The following PEX10 variants were observed in gnomAD, a reference collection of about 807,000 sequenced individuals.
PEX10 encodes the protein peroxisome biogenesis factor 10.
PEX10 carries 32 observed loss-of-function variants against 38.0 expected under a neutral mutation model. The observed-to-expected ratio is 0.84, with a 90% CI of 0.63 to 1.13. PEX10 has a LOEUF of 1.13. Ranked by LOEUF, PEX10 falls within the 50% of genes most tolerant of loss-of-function variation. The pLI, the probability that PEX10 is intolerant of heterozygous loss-of-function variation, is 0.00. For missense variants in PEX10, 483 were observed against 457.7 expected (o/e 1.06, Z -0.51); for synonymous variants, 206 against 207.3 (o/e 0.99, Z 0.05).
chr1:2,405,781 A>G lies in PEX10; in HGVS notation c.966T>C (p.Leu322=). Residue 322 remains leucine (L), a synonymous_variant, in exon 6 of 6, where the codon CTT becomes CTC. Transcript: ENST00000447513. ...EKFPPQKLIY[L]RHYR is the part of the protein sequence containing the mutation. The stretch of plus-strand genomic sequence containing the variant: ...GGGCGCCGGCTCAGCGGTAGTGCCG[A>G]AGGTAGATGAGCTTCTGGGGAGGGA... 2 of 1,603,466 alleles carry G rather than the reference A, an allele frequency of 1.2e-6. No homozygotes were observed. Among genetic ancestry groups the G allele is most frequent in the South Asian group, 1.1e-5 (1 of 88,980 alleles).
intron 3 of PEX10, among the ~76,000 whole-genome samples, chr1:2,407,680 C>T (rs1643055266): frequency 6.6e-6 from 1 of 152,296 alleles, no homozygotes; most frequent in Admixed American, 6.5e-5. Context: ...TGACCATTGG[C>T]TCTGCGACGA....
At position 2,405,790 on chromosome 1, in the gene PEX10, G is replaced by A. The variant is rs1458600804; in HGVS notation, c.957C>T (p.Leu319=). 6.2e-7 allele frequency: 1 copy of A among 1,603,676 alleles called. No homozygotes were observed. Among genetic ancestry groups the A allele is most frequent in the Non-Finnish European group, 8.5e-7 (1 of 1,175,522 alleles). Residue 319 remains leucine, a synonymous_variant, in exon 6 of 6, where the codon CTC becomes CTT. Transcript: ENST00000447513. The stretch of plus-strand genomic sequence containing the variant: ...CTCAGCGGTAGTGCCGAAGGTAGAT[G>A]AGCTTCTGGGGAGGGAACTTCTCCC... ...LCREKFPPQK[L]IYLRHYR is the part of the protein sequence containing the mutation.
intron 1 of PEX10, among the ~76,000 whole-genome samples, chr1:2,412,170 G>A (rs1460137769): frequency 6.6e-6 from 1 of 152,248 alleles, no homozygotes; most frequent in Non-Finnish European, 1.5e-5. Context: ...GGTCCCCCGC[G>A]GTGTCTGCGG....
Position 2,406,489 on chromosome 1 carries a change from T to C in PEX10, c.907A>G (p.Ser303Gly). 3 of 1,612,014 alleles carry C rather than the reference T, an allele frequency of 1.9e-6. No individual in the cohort carries two copies. The highest frequency in any genetic ancestry group is 2.5e-6 in the Non-Finnish European group (3 of 1,179,970). Residue 303 changes from serine to glycine, a missense_variant, in exon 5 of 6, where the codon AGC (serine) becomes GGC (glycine). Coordinates refer to ENST00000447513, the MANE Select transcript of PEX10 (RefSeq NM_002617.4). ...GCAGCAGGCTCCCACCTCACCTTGC[T>C]GCTGCACCACGCGGTGATGCACTCC... ...CWECITAWCS[S>G]KAECPLCREK...
At position 2,406,550 on chromosome 1, in the gene PEX10, G is replaced by A. The variant is rs1643008753; in HGVS notation, c.846C>T (p.His282=). The change falls in exon 5 of 6, where the codon CAC becomes CAT. Residue 282 remains histidine, a synonymous_variant. Transcript: ENST00000447513. ...GGTGGCCGCAGGGCGTGGCTGTTGG[G>A]TGCCTGCGCTCCTCCAGGCACAGGG... is the stretch of plus-strand genomic sequence containing the variant. ...LCTLCLEERR[H]PTATPCGHLF... The A allele has an allele frequency of 6.2e-7, 1 of 1,613,346 alleles. No individual in the cohort carries two copies. Among genetic ancestry groups the A allele is most frequent in the Non-Finnish European group, 8.5e-7 (1 of 1,179,984 alleles).
At position 2,404,592 on chromosome 1, in the gene PEX10, C is replaced by G. The variant is rs1191821901; in HGVS notation, c.*1174G>C. On this transcript the variant is annotated 3_prime_UTR_variant, in exon 6 of 6. Transcript: ENST00000447513. ...AGAGGGTCACGGCCCCCCCGCCCTC[C>G]TCCGTCTCTGGCAAGCTGACCTTGA... is the stretch of plus-strand genomic sequence containing the variant. 2 of 152,276 alleles carry G rather than the reference C, an allele frequency of 1.3e-5. No homozygotes were observed. The highest frequency in any genetic ancestry group is 4.8e-5 in the African/African-American group (2 of 41,458). The allele number at this position is 152,276 out of a possible 1,614,324, so 9.4% of individuals were successfully genotyped here. A position where few individuals can be genotyped will look rare whatever the true frequency, so the allele number is the denominator to read the frequency against.
chr1:2,405,903 C>T (rs1642984402), intron 5 of PEX10, 69 bp from the exon 6 acceptor site: 1 of 1,209,248 alleles, frequency 8.3e-7, no homozygotes, highest in South Asian at 1.3e-5. Flanking sequence ...ATCGGCATTT[C>T]TTTTCCTGTC....
Position 2,412,438 on chromosome 1 carries a change from C to T in PEX10, c.65G>A (p.Arg22His). The T allele has an allele frequency of 2.8e-6, 4 of 1,429,872 alleles. No individual in the cohort carries two copies. Among genetic ancestry groups the T allele is most frequent in the Non-Finnish European group, 3.6e-6 (4 of 1,096,038 alleles). The allele number at this position is 1,429,872 out of a possible 1,614,324, so 88.6% of individuals were successfully genotyped here. ...GCCCGCCGCGCTCCGCAGCCCACCG[C>T]GGTAGTACTCGTCCTTCTGCGCCGC... Reference protein sequence around the residue: ...IRAAQKDEYYRGGLRSAAGGA... With the variant: ...IRAAQKDEYYHGGLRSAAGGA... The change falls in exon 1 of 6, where the codon CGC (arginine) becomes CAC (histidine). Residue 22 changes from arginine to histidine, a missense_variant. Coordinates refer to ENST00000447513, the MANE Select transcript of PEX10 (RefSeq NM_002617.4).
rs963442536 is a variant in PEX10, at chr1:2,405,352, C to T, written c.*414G>A. 27 of 350,062 alleles carry T rather than the reference C, an allele frequency of 7.7e-5. No homozygotes were observed. Among genetic ancestry groups the T allele is most frequent in the Middle Eastern group, 1.0e-3 (1 of 988 alleles). The allele number at this position is 350,062 out of a possible 1,614,324, so 21.7% of individuals were successfully genotyped here. A position where few individuals can be genotyped will look rare whatever the true frequency, so the allele number is the denominator to read the frequency against. ...CCTCCGTGCCCCACCCCACCCAGCA[C>T]GCACTCATTCAGTCCATTGCCTTAA... is the stretch of plus-strand genomic sequence containing the variant. On this transcript the variant is annotated 3_prime_UTR_variant, in exon 6 of 6. Transcript: ENST00000447513.
In PEX10 at chr1:2,412,530, G is replaced by C; in HGVS notation, c.-28C>G. Reference sequence around the variant, plus strand: ...CCGCGGGTTCGGGTGGTCCCGAGCAGCCACGCCGGCCACGCCCACGCCCAG... The same window carrying C: ...CCGCGGGTTCGGGTGGTCCCGAGCACCCACGCCGGCCACGCCCACGCCCAG... On this transcript the variant is annotated 5_prime_UTR_variant, in exon 1 of 6. Transcript: ENST00000447513. The C allele has an allele frequency of 7.7e-7, 1 of 1,302,406 alleles. No individual in the cohort carries two copies. The highest frequency in any genetic ancestry group is 2.1e-5 in the South Asian group (1 of 48,522). 80.7% of individuals were successfully genotyped at this position (1,302,406 alleles called of 1,614,324 possible). A position where few individuals can be genotyped will look rare whatever the true frequency, so the allele number is the denominator to read the frequency against.
chr1:2,412,657 A>G (rs1219016970), upstream of PEX10: 3 of 518,728 alleles, frequency 5.8e-6, no homozygotes, highest in Non-Finnish European at 8.7e-6. Context: ...AGGCGGGGCC[A>G]GGGCCCGGGC....
At position 2,409,185 on chromosome 1, in the gene PEX10, C is replaced by T. The variant is rs1344598568; in HGVS notation, c.194-327G>A. 1.3e-5 allele frequency among the ~76,000 whole-genome samples: 2 copies of T among 152,162 alleles called. No individual in the cohort carries two copies. Among genetic ancestry groups the T allele is most frequent in the Non-Finnish European group, 2.9e-5 (2 of 68,008 alleles). On this transcript the variant is annotated intron_variant, in intron 2 of 5. Transcript: ENST00000447513. The surrounding 1 kb of genome is among the most constrained non-coding windows in gnomAD (Gnocchi z 6.2). ...TCCCTAGCTGTCCCCGCCACCTCCCCCAGCCCAAGCACTCGGATCCAGTCC... is the reference window on the plus strand; with the variant it reads ...TCCCTAGCTGTCCCCGCCACCTCCCTCAGCCCAAGCACTCGGATCCAGTCC...
Position 2,410,156 on chromosome 1 carries a change from A to G in PEX10, c.193+215T>C. ...ACCCGGGGTAAAGTCTTAAACAAAG[A>G]ACCCCAGGGACACACAAAGGCTGGA... On this transcript the variant is annotated intron_variant, in intron 2 of 5. Transcript: ENST00000447513. The surrounding 1 kb of genome is among the most constrained non-coding windows in gnomAD (Gnocchi z 5.1). The G allele has an allele frequency of 1.7e-6, 1 of 573,914 alleles. No individual in the cohort carries two copies. Among genetic ancestry groups the G allele is most frequent in the Non-Finnish European group, 3.1e-6 (1 of 318,550 alleles). 35.6% of individuals were successfully genotyped at this position (573,914 alleles called of 1,614,324 possible). A position where few individuals can be genotyped will look rare whatever the true frequency, so the allele number is the denominator to read the frequency against.
At chr1:2,411,544 T>C (rs1643218786) in intron 1 of PEX10, among the ~76,000 whole-genome samples, 1 of 151,240 alleles carries the variant, frequency 6.6e-6, no homozygotes, top group Non-Finnish European at 1.5e-5. Flanking sequence ...CTTTTTTTTT[T>C]CGTTTTTTAA....
intron 3 of PEX10, 68 bp from the exon 4 acceptor site, chr1:2,406,963 G>T (rs1331968828): frequency 6.4e-7 from 1 of 1,562,266 alleles, no homozygotes; most frequent in South Asian, 1.2e-5. Flanking sequence ...CTGCTGGGAG[G>T]GTCACACGTT....
At chr1:2,408,974 C>T in intron 2 of PEX10, 116 bp from the exon 3 acceptor site, 1 of 1,031,974 alleles carries the variant, frequency 9.7e-7, no homozygotes, top group Non-Finnish European at 1.5e-6. Flanking sequence ...ATCTTGTCGC[C>T]CTTGAGCCCA....
rs1316891759 is a variant in PEX10 at position 2,404,861 on chromosome 1, T to G, written c.*905A>C. The G allele has an allele frequency of 2.0e-5, 3 of 152,700 alleles. No homozygotes were observed. Among genetic ancestry groups the G allele is most frequent in the Non-Finnish European group, 4.4e-5 (3 of 68,136 alleles). The allele number at this position is 152,700 out of a possible 1,614,324, so 9.5% of individuals were successfully genotyped here. A position where few individuals can be genotyped will look rare whatever the true frequency, so the allele number is the denominator to read the frequency against. On this transcript the variant is annotated 3_prime_UTR_variant, in exon 6 of 6. Coordinates refer to ENST00000447513, the MANE Select transcript of PEX10 (RefSeq NM_002617.4). Reference sequence around the variant, plus strand: ...TATTAAAGATGCCTACGGTGAACTCTCTGGCGCAGGTTAAATGCAGTTTTG... The same window carrying G: ...TATTAAAGATGCCTACGGTGAACTCGCTGGCGCAGGTTAAATGCAGTTTTG...
intron 5 of PEX10, 115 bp from the exon 6 acceptor site, chr1:2,405,949 G>GT: frequency 3.5e-6 from 3 of 855,752 alleles, no homozygotes; most frequent in Admixed American, 4.4e-5. Flanking sequence ...CATAAATGTT[G>GT]TATTTCCTTC....
chr1:2,407,225 C>T (rs1043075255), intron 3 of PEX10, among the ~76,000 whole-genome samples: 14 of 152,152 alleles, frequency 9.2e-5, no homozygotes, highest in Admixed American at 2.6e-4. Flanking sequence ...AGGCGGGGAG[C>T]GGAAATGTGG....
Sources: gnomAD v4.1 joint callset for allele counts (sites outside exome capture counted in the v4.1 genomes callset) on GRCh38, gnomAD v4.1.1 for gene constraint, Gnocchi (gnomAD v3.1) non-coding constraint, MANE v1.5 for transcripts, NCBI Gene and HGNC (gene_info 2026-07-23, HGNC 2026-07-21) for gene names.